ZNF516: variants seen among roughly 807,000 people sequenced by gnomAD.
ZNF516 encodes the protein zinc finger protein 516.
Under a neutral mutation model 79.7 loss-of-function variants are expected in ZNF516, and 19 were observed. The observed-to-expected ratio is 0.24, with a 90% confidence interval of 0.17 to 0.35. The LOEUF (loss-of-function observed/expected upper bound fraction) is 0.35. Among genes scored for constraint, ZNF516 ranks in the 10% least tolerant of loss-of-function variants. The probability of loss-of-function intolerance (pLI) is 1.00; values close to 1 mark genes in which losing one functional copy is unlikely to be tolerated. For synonymous variants in ZNF516, 877 were observed against 739.5 expected (o/e 1.19, Z -3.02); for missense variants, 1,678 against 1,679.5 (o/e 1.00, Z 0.02).
intron 2 of ZNF516, among the ~76,000 whole-genome samples, chr18:76,457,499 A>G (rs1342832913): frequency 3.9e-5 from 6 of 152,200 alleles, no homozygotes; most frequent in Admixed American, 1.3e-4. Flanking sequence ...ACCTGAGCCC[A>G]GGAGTTCAAG....
intron 3 of ZNF516, among the ~76,000 whole-genome samples, chr18:76,434,274 G>A (rs960138756): frequency 5.9e-5 from 9 of 152,132 alleles, no homozygotes; most frequent in Non-Finnish European, 1.5e-5. Context: ...TGGGAGGACC[G>A]AGCGCCACTT....
intron 1 of ZNF516, among the ~76,000 whole-genome samples, chr18:76,465,800 C>T (rs1281195348): frequency 6.6e-5 from 10 of 152,178 alleles, no homozygotes; most frequent in Non-Finnish European, 1.3e-4. Flanking sequence ...ACAAAACACC[C>T]GGCCAGTCCT....
rs568719403 is a variant in ZNF516, at chr18:76,451,591, A to G, written c.-157-8380T>C. On this transcript the variant is annotated intron_variant, in intron 2 of 6. Coordinates refer to ENST00000443185, the MANE Select transcript of ZNF516 (RefSeq NM_014643.4). The surrounding 1 kb of genome is among the most constrained non-coding windows in gnomAD (Gnocchi z 6.0). The stretch of plus-strand genomic sequence containing the variant: ...TGCGTTTCTGAAGGACGACTCTCAG[A>G]CACGGTTGGTCCCGGCCACAGCTAC... 1.2e-3 allele frequency among the ~76,000 whole-genome samples: 188 copies of G among 152,342 alleles called. 3 individuals are homozygous for G. Among genetic ancestry groups the G allele is most frequent in the African/African-American group, 4.4e-3 (185 of 41,578 alleles).
intron 1 of ZNF516, among the ~76,000 whole-genome samples, chr18:76,488,824 A>G (rs192383883): frequency 3.9e-4 from 59 of 152,362 alleles, no homozygotes; most frequent in Non-Finnish European, 6.5e-4. Context: ...GAGAAAGCTG[A>G]TATGTGTTTC....
chr18:76,378,910 G>A lies in ZNF516; in HGVS notation c.3204C>T (p.Asp1068=), dbSNP rs376631412. The part of the protein sequence containing the change: ...LNIFKTYIPK[D]FATLYQGWGV... ...CCCATCCCTGGTAGAGGGTCGCAAA[G>A]TCCTTTGGAATGTACGTCTTAAAGA... The change falls in exon 4 of 7, where the codon GAC becomes GAT. Residue 1068 remains aspartate, a synonymous_variant. Transcript: ENST00000443185. The A allele has an allele frequency of 3.1e-6, 5 of 1,613,876 alleles. No individual in the cohort carries two copies. The highest frequency in any genetic ancestry group is 3.4e-6 in the Non-Finnish European group (4 of 1,179,824).
At chr18:76,458,884 T>A (rs562595953) in intron 2 of ZNF516, among the ~76,000 whole-genome samples, 61 of 151,190 alleles carry the variant, frequency 4.0e-4, no homozygotes, top group African/African-American at 1.3e-3. Context: ...CCGTCGTGTG[T>A]GTGCGTGCCT....
chr18:76,402,169 G>C (rs986707322), intron 3 of ZNF516, among the ~76,000 whole-genome samples: 4 of 152,166 alleles, frequency 2.6e-5, no homozygotes, highest in African/African-American at 9.7e-5. Context: ...CAACACCAAT[G>C]AATTCATTTA....
At chr18:76,440,761 T>TGTGTGTGTGTGTGTGTGTGTGC (rs571461431) in intron 3 of ZNF516, among the ~76,000 whole-genome samples, 134 of 150,238 alleles carry the variant, frequency 8.9e-4, no homozygotes, top group South Asian at 1.9e-3. Context: ...TGTGTGTGTG[T>TGTGTGTGTGTGTGTGTGTGTGC]GCGCGCACGC....
At chr18:76,465,401 CT>C (rs778482449) in intron 1 of ZNF516, among the ~76,000 whole-genome samples, 31 of 152,174 alleles carry the variant, frequency 2.0e-4, no homozygotes, top group Non-Finnish European at 7.3e-5. Context: ...AGAAAGAGGC[CT>C]TTTTAAAAAT....
At chr18:76,486,454 G>A (rs765372343) in intron 1 of ZNF516, among the ~76,000 whole-genome samples, 5 of 152,084 alleles carry the variant, frequency 3.3e-5, no homozygotes, top group African/African-American at 9.7e-5. Context: ...TGTTAATAGC[G>A]CTGAAAAATT....
intron 3 of ZNF516, among the ~76,000 whole-genome samples, chr18:76,398,105 G>A (rs2075169885): frequency 6.6e-6 from 1 of 152,122 alleles, no homozygotes; most frequent in African/African-American, 2.4e-5. Context: ...CAGAAACCTG[G>A]AATTTACTAA....
rs926554582 is a variant in ZNF516 at position 76,459,454 on chromosome 18, C to T, written c.-158+3574G>A. On this transcript the variant is annotated intron_variant, in intron 2 of 6. Coordinates refer to ENST00000443185, the MANE Select transcript of ZNF516 (RefSeq NM_014643.4). This position sits in a 1 kb window ranked among gnomAD's most constrained non-coding sequence, Gnocchi z 5.0. Reference sequence around the variant, plus strand: ...CCTCCACTGCCGGCCAGGGAGGCCTCGCGTGCCAAGCTGGCCCTGAGCTCA... The same window carrying T: ...CCTCCACTGCCGGCCAGGGAGGCCTTGCGTGCCAAGCTGGCCCTGAGCTCA... 1.1e-4 allele frequency among the ~76,000 whole-genome samples: 17 copies of T among 152,240 alleles called. No individual in the cohort carries two copies. Among genetic ancestry groups the T allele is most frequent in the African/African-American group, 3.9e-4 (16 of 41,466 alleles).
In ZNF516 at chr18:76,401,833, A is replaced by ACCACCAACCACACCCCCGCGCCGCACCCC. The variant is rs1568261928; in HGVS notation, c.1811-21531_1811-21530insGGGGTGCGGCGCGGGGGTGTGGTTGGTGG. On this transcript the variant is annotated intron_variant, in intron 3 of 6. Coordinates refer to ENST00000443185, the MANE Select transcript of ZNF516 (RefSeq NM_014643.4). ...ACCACCAACCACACCCCCGCGCTCC[A>ACCACCAACCACACCCCCGCGCCGCACCCC]TCTCTCCACCAACCACACCCCCGCG... 2.1e-3 allele frequency among the ~76,000 whole-genome samples: 74 copies of ACCACCAACCACACCCCCGCGCCGCACCCC among 36,032 alleles called. 2 individuals are homozygous for ACCACCAACCACACCCCCGCGCCGCACCCC. Among genetic ancestry groups the ACCACCAACCACACCCCCGCGCCGCACCCC allele is most frequent in the African/African-American group, 4.1e-3 (36 of 8,748 alleles). 23.6% of individuals were successfully genotyped at this position (36,032 alleles called of 152,430 possible).
intron 3 of ZNF516, among the ~76,000 whole-genome samples, chr18:76,408,942 C>A (rs1357366301): frequency 6.6e-6 from 1 of 152,190 alleles, no homozygotes; most frequent in African/African-American, 2.4e-5. Flanking sequence ...GTTCCGCCCC[C>A]ACTCAGAAGC....
chr18:76,378,179 G>A (rs3912844), intron 4 of ZNF516: 22,887 of 152,266 alleles, frequency 0.15, 1,970 homozygotes, highest in Non-Finnish European at 0.2. Context: ...TGCAGTGCGC[G>A]TGCCGGAGGA....
chr18:76,428,418 T>C (rs1444514684), intron 3 of ZNF516, among the ~76,000 whole-genome samples: 1 of 148,394 alleles, frequency 6.7e-6, no homozygotes, highest in African/African-American at 2.5e-5. Context: ...AAGAAAGAAA[T>C]CCATCATGAA....
Position 76,361,485 on chromosome 18 carries a change from G to C in ZNF516, c.*1013C>G, listed in dbSNP as rs1308528146. The stretch of plus-strand genomic sequence containing the variant: ...AGGGAGAAAAGACACCCACTTGCTG[G>C]GGTGGCTCAGGGAAGGGGCGGGGAG... On this transcript the variant is annotated 3_prime_UTR_variant, in exon 7 of 7. Transcript: ENST00000443185. The C allele has an allele frequency of 6.6e-6, 1 of 152,204 alleles. No individual in the cohort carries two copies. Among genetic ancestry groups the C allele is most frequent in the Non-Finnish European group, 1.5e-5 (1 of 68,070 alleles). The allele number at this position is 152,204 out of a possible 1,614,324, so 9.4% of individuals were successfully genotyped here.
At chr18:76,401,992 T>C (rs1227030185) in intron 3 of ZNF516, among the ~76,000 whole-genome samples, 1 of 148,982 alleles carries the variant, frequency 6.7e-6, no homozygotes, top group Non-Finnish European at 1.5e-5. Flanking sequence ...TGCATGTGTG[T>C]ACGCGCGTGT....
At chr18:76,464,311 G>A (rs995418396) in intron 1 of ZNF516, among the ~76,000 whole-genome samples, 1 of 152,204 alleles carries the variant, frequency 6.6e-6, no homozygotes, top group Non-Finnish European at 1.5e-5. Context: ...GGTGCAGGTT[G>A]CAGTGAGTCG....
Sources: allele counts gnomAD v4.1 joint callset (sites outside exome capture counted in the v4.1 genomes callset), GRCh38; gene constraint gnomAD v4.1.1; non-coding constraint Gnocchi (gnomAD v3.1); transcripts MANE v1.5; gene names NCBI Gene and HGNC (gene_info 2026-07-23, HGNC 2026-07-21).